Variants in FMNL2 observed in about 807,000 individuals in gnomAD.
The protein encoded by FMNL2 is formin-like protein 2.
In FMNL2, 51 loss-of-function variants were observed where a neutral mutation model predicts 130.2. The observed-to-expected ratio is 0.39, with a 90% CI of 0.31 to 0.49. The LOEUF is 0.49. Among genes scored for constraint, FMNL2 ranks in the 20% least tolerant of loss-of-function variants. The pLI, the probability that FMNL2 is intolerant of heterozygous loss-of-function variation, is 0.85. For missense variants in FMNL2, 977 were observed against 1,316.2 expected (o/e 0.74, Z 3.99); for synonymous variants, 465 against 467.1 (o/e 1.00, Z 0.06).
intron 2 of FMNL2, among the ~76,000 whole-genome samples, chr2:152,532,567 A>T (rs2105449008): frequency 6.7e-6 from 1 of 149,920 alleles, no homozygotes; most frequent in East Asian, 1.9e-4. Context: ...TTGTTGAAGG[A>T]TCTGCTCTGT....
In FMNL2 at chr2:152,621,053, A is replaced by T. The variant is rs777565815; in HGVS notation, c.1837+1335A>T. 324 of 985,196 alleles carry T rather than the reference A, an allele frequency of 3.3e-4. 2 individuals carry two copies. The highest frequency in any genetic ancestry group is 2.5e-4 in the Non-Finnish European group (210 of 829,716). 61.0% of individuals were successfully genotyped at this position (985,196 alleles called of 1,614,324 possible). A position where few individuals can be genotyped will look rare whatever the true frequency, so the allele number is the denominator to read the frequency against. ...TATAAACAGACAAACAAGAAACCTC[A>T]TATCAAGCCCCGGGAATGTGTTCCA... On this transcript the variant is annotated intron_variant, in intron 15 of 25. Transcript: ENST00000288670.
intron 1 of FMNL2, among the ~76,000 whole-genome samples, chr2:152,351,542 TA>T (rs1436030274): frequency 6.6e-6 from 1 of 152,228 alleles, no homozygotes; most frequent in Non-Finnish European, 1.5e-5. Context: ...CATCCTTTTT[TA>T]TGGCTGCATA....
chr2:152,645,697 T>TTTAAG (rs1683491326), intron 25 of FMNL2, among the ~76,000 whole-genome samples: 1 of 152,092 alleles, frequency 6.6e-6, no homozygotes, highest in Admixed American at 6.6e-5. Flanking sequence ...TCGGCCTGCT[T>TTTAAG]TTAAGTTCTA....
chr2:152,504,425 T>G (rs1393229154), intron 1 of FMNL2, among the ~76,000 whole-genome samples: 1 of 152,018 alleles, frequency 6.6e-6, no homozygotes, highest in Non-Finnish European at 1.5e-5. Flanking sequence ...TTTTTTATTT[T>G]TCGTAGAGAT....
chr2:152,405,516 G>C (rs1685936385), intron 1 of FMNL2, among the ~76,000 whole-genome samples: 2 of 152,186 alleles, frequency 1.3e-5, no homozygotes, highest in South Asian at 4.1e-4. Context: ...TTTCCTTAAA[G>C]CTCTTGTGAT....
intron 24 of FMNL2, 145 bp from the exon 25 acceptor site, chr2:152,640,646 C>A (rs948125983): frequency 4.2e-5 from 43 of 1,023,024 alleles, no homozygotes; most frequent in Non-Finnish European, 1.1e-5. Context: ...AGCTTGAGTT[C>A]TCTGCAACTG....
chr2:152,341,178 G>A (rs1410776940), intron 1 of FMNL2, among the ~76,000 whole-genome samples: 1 of 152,214 alleles, frequency 6.6e-6, no homozygotes, highest in Non-Finnish European at 1.5e-5. Context: ...GGAAGAGAGT[G>A]TGGAAGAGGG....
intron 6 of FMNL2, among the ~76,000 whole-genome samples, chr2:152,571,951 G>A (rs1696192410): frequency 6.6e-6 from 1 of 151,624 alleles, no homozygotes; most frequent in Non-Finnish European, 1.5e-5. Flanking sequence ...AGAGTTTTGG[G>A]GCACTAATCA....
intron 1 of FMNL2, among the ~76,000 whole-genome samples, chr2:152,433,288 A>G (rs574916536): frequency 2.0e-5 from 3 of 152,336 alleles, no homozygotes; most frequent in African/African-American, 7.2e-5. Flanking sequence ...CGTTTCAACT[A>G]TTGCAAAATA....
intron 23 of FMNL2, among the ~76,000 whole-genome samples, chr2:152,638,570 T>C (rs1307200358): frequency 6.6e-6 from 1 of 152,218 alleles, no homozygotes; most frequent in Admixed American, 6.5e-5. Context: ...AGTCAAAATA[T>C]TCTTAGCCCA....
chr2:152,446,603 G>A (rs183869880), intron 1 of FMNL2, among the ~76,000 whole-genome samples: 148 of 152,330 alleles, frequency 9.7e-4, no homozygotes, highest in African/African-American at 3.4e-3. Context: ...CATTAAAAAT[G>A]AAAAGTAGTT....
At chr2:152,420,420 C>G (rs1216451667) in intron 1 of FMNL2, among the ~76,000 whole-genome samples, 1 of 152,162 alleles carries the variant, frequency 6.6e-6, no homozygotes, top group African/African-American at 2.4e-5. Context: ...ACACCCCTTT[C>G]CTAGTAACTG....
At chr2:152,608,150 C>T (rs1698477176) in intron 10 of FMNL2, among the ~76,000 whole-genome samples, 1 of 152,026 alleles carries the variant, frequency 6.6e-6, no homozygotes, top group Non-Finnish European at 1.5e-5. Flanking sequence ...TAGGCGTTGA[C>T]CCAATCCAGT....
chr2:152,391,932 C>T (rs957415495), intron 1 of FMNL2, among the ~76,000 whole-genome samples: 1 of 129,570 alleles, frequency 7.7e-6, no homozygotes, highest in Non-Finnish European at 1.7e-5. Flanking sequence ...TTTTTCAAAC[C>T]CATATTGTCT....
chr2:152,561,155 A>G (rs1695500160), intron 6 of FMNL2, 120 bp downstream of exon 6: 1 of 989,914 alleles, frequency 1.0e-6, no homozygotes. Context: ...TTTCATTTGC[A>G]ATGACTCTAA....
chr2:152,357,782 G>C (rs1436128879), intron 1 of FMNL2, among the ~76,000 whole-genome samples: 1 of 152,226 alleles, frequency 6.6e-6, no homozygotes, highest in African/African-American at 2.4e-5. Flanking sequence ...CAGAGGCTCT[G>C]GGGAGCCTAA....
chr2:152,502,722 G>C (rs887213368), intron 1 of FMNL2, among the ~76,000 whole-genome samples: 1 of 152,110 alleles, frequency 6.6e-6, no homozygotes, highest in Non-Finnish European at 1.5e-5. Context: ...AACAAAATAA[G>C]TACCATCTTT....
At chr2:152,394,339 A>C (rs1221819637) in intron 1 of FMNL2, among the ~76,000 whole-genome samples, 1 of 152,134 alleles carries the variant, frequency 6.6e-6, no homozygotes, top group African/African-American at 2.4e-5. Context: ...ATTTTTTTGC[A>C]AGCAGCAAAC....
Position 152,335,547 on chromosome 2 carries a change from T to C in FMNL2, c.-57T>C. The C allele has an allele frequency of 1.0e-5, 15 of 1,464,050 alleles. No individual in the cohort carries two copies. Among genetic ancestry groups the C allele is most frequent in the Non-Finnish European group, 1.3e-5 (14 of 1,075,264 alleles). 90.7% of individuals were successfully genotyped at this position (1,464,050 alleles called of 1,614,324 possible). A position where few individuals can be genotyped will look rare whatever the true frequency, so the allele number is the denominator to read the frequency against. ...AGCCGACCGCCGGGAGCTGTTCTGA[T>C]TTCCGACGCGCACGCTAGGGGCCCG... On this transcript the variant is annotated 5_prime_UTR_variant, in exon 1 of 26. Coordinates refer to ENST00000288670, the MANE Select transcript of FMNL2 (RefSeq NM_052905.4).
Sources: allele counts gnomAD v4.1 joint callset (sites outside exome capture counted in the v4.1 genomes callset), GRCh38; gene constraint gnomAD v4.1.1; transcripts MANE v1.5; gene names NCBI Gene and HGNC (gene_info 2026-07-23, HGNC 2026-07-21).